Variants in SLC25A48 observed in about 807,000 individuals in gnomAD.
SLC25A48 encodes solute carrier family 25 member 48, also known as CTC-321K16.1.
Under a neutral mutation model 32.2 loss-of-function variants are expected in SLC25A48, and 29 were observed. The observed-to-expected ratio is 0.90, with a 90% CI of 0.67 to 1.23. The LOEUF is 1.23. SLC25A48 is among the 50% of genes most tolerant of loss of function. The probability of loss-of-function intolerance (pLI) is 0.00; values close to 1 mark genes in which losing one functional copy is unlikely to be tolerated. For missense variants in SLC25A48, 399 were observed against 422.7 expected, an observed-to-expected ratio of 0.94 and a Z score of 0.49; for synonymous variants, 164 against 172.3, an observed-to-expected ratio of 0.95 and a Z score of 0.38.
intron 1 of SLC25A48, among the ~76,000 whole-genome samples, chr5:135,627,228 G>T (rs926847078): frequency 6.6e-6 from 1 of 152,180 alleles, no homozygotes; most frequent in African/African-American, 2.4e-5. Context: ...TTCTGTCTAT[G>T]TTGGGCCAAT....
rs1417367996 is a variant in SLC25A48 at position 135,782,881 on chromosome 5, C to G, written c.-520-29642C>G. Among the ~76,000 whole-genome samples the G allele has an allele frequency of 2.5e-5, 3 of 117,832 alleles. 1 individual carries two copies. The highest frequency in any genetic ancestry group is 7.7e-5 in the African/African-American group (3 of 38,862). The allele number at this position is 117,832 out of a possible 152,430, so 77.3% of individuals were successfully genotyped here. On this transcript the variant is annotated intron_variant, in intron 3 of 10. Transcript: ENST00000646290. ...AATATCATACCAGCTGTACAACCCCCTGTGACATTGGTTCAAAATCCAGGG... is the reference window on the plus strand; with the variant it reads ...AATATCATACCAGCTGTACAACCCCGTGTGACATTGGTTCAAAATCCAGGG...
intron 3 of SLC25A48, among the ~76,000 whole-genome samples, chr5:135,692,113 C>T (rs894000816): frequency 6.6e-6 from 1 of 152,076 alleles, no homozygotes; most frequent in Non-Finnish European, 1.5e-5. Context: ...GTCAGGAGAT[C>T]GAGACCATTC....
chr5:135,852,274 C>A (rs968889869), intron 3 of SLC25A48, among the ~76,000 whole-genome samples: 13 of 152,166 alleles, frequency 8.5e-5, no homozygotes, highest in African/African-American at 3.1e-4. Flanking sequence ...GACTTCTTTC[C>A]AGCCCAAGAT....
intron 1 of SLC25A48, among the ~76,000 whole-genome samples, chr5:135,610,214 G>A (rs958322847): frequency 1.3e-5 from 2 of 152,162 alleles, no homozygotes; most frequent in African/African-American, 2.4e-5. Flanking sequence ...ACATATTTCC[G>A]TGGCCTTTCT....
intron 3 of SLC25A48, among the ~76,000 whole-genome samples, chr5:135,776,055 G>A (rs781024776): frequency 5.3e-5 from 8 of 151,664 alleles, no homozygotes; most frequent in African/African-American, 1.9e-4. Flanking sequence ...GAGGAAAGAA[G>A]GTTATTACTC....
intron 1 of SLC25A48, among the ~76,000 whole-genome samples, chr5:135,596,286 T>C (rs1244353201): frequency 6.6e-6 from 1 of 152,194 alleles, no homozygotes; most frequent in African/African-American, 2.4e-5. Flanking sequence ...TTATACTCAA[T>C]TGGTAACCAT....
At chr5:135,733,408 G>T (rs1225948320) in intron 3 of SLC25A48, among the ~76,000 whole-genome samples, 9 of 152,196 alleles carry the variant, frequency 5.9e-5, no homozygotes, top group South Asian at 2.1e-4. Context: ...AGGCCGGATT[G>T]AAGTCCGGGC....
chr5:135,619,067 G>T (rs762058519), intron 1 of SLC25A48, among the ~76,000 whole-genome samples: 22 of 151,928 alleles, frequency 1.4e-4, no homozygotes, highest in Non-Finnish European at 2.5e-4. Flanking sequence ...TTCATCTTTT[G>T]CTTTATTTAA....
chr5:135,867,260 C>T (rs1457575117), intron 4 of SLC25A48, among the ~76,000 whole-genome samples: 1 of 152,136 alleles, frequency 6.6e-6, no homozygotes, highest in Non-Finnish European at 1.5e-5. Context: ...TTGGCAGTTT[C>T]CTGTGAGCTG....
intron 1 of SLC25A48, among the ~76,000 whole-genome samples, chr5:135,594,937 A>C (rs1161884311): frequency 6.6e-6 from 1 of 152,184 alleles, no homozygotes; most frequent in African/African-American, 2.4e-5. Context: ...AGGTGCAGTG[A>C]GGGAAAGGGT....
chr5:135,608,871 G>C (rs1752001252), intron 1 of SLC25A48, among the ~76,000 whole-genome samples: 2 of 152,206 alleles, frequency 1.3e-5, no homozygotes, highest in South Asian at 4.1e-4. Context: ...TGGACTTGCT[G>C]CTTCTTGGGG....
intron 2 of SLC25A48, among the ~76,000 whole-genome samples, chr5:135,633,799 C>T (rs936584680): frequency 1.3e-5 from 2 of 152,122 alleles, no homozygotes; most frequent in Admixed American, 6.5e-5. Flanking sequence ...GCTGATTTTC[C>T]TTTCCTCTTC....
chr5:135,678,044 A>T (rs952629573), intron 3 of SLC25A48, among the ~76,000 whole-genome samples: 3 of 152,174 alleles, frequency 2.0e-5, no homozygotes, highest in African/African-American at 7.2e-5. Flanking sequence ...GGCCTCCTGT[A>T]TCTGGATGTC....
chr5:135,758,662 T>C (rs1755983607), intron 3 of SLC25A48, among the ~76,000 whole-genome samples: 1 of 150,732 alleles, frequency 6.6e-6, no homozygotes, highest in South Asian at 2.1e-4. Flanking sequence ...GTTAACACAC[T>C]ATGATATTAA....
chr5:135,770,167 G>T (rs182893709), intron 3 of SLC25A48, among the ~76,000 whole-genome samples: 36 of 151,716 alleles, frequency 2.4e-4, no homozygotes, highest in African/African-American at 7.5e-4. Context: ...ATTCAGAAAA[G>T]AAGTGGATGA....
At chr5:135,620,870 T>A (rs1752310343) in intron 1 of SLC25A48, among the ~76,000 whole-genome samples, 1 of 152,120 alleles carries the variant, frequency 6.6e-6, no homozygotes, top group South Asian at 2.1e-4. Flanking sequence ...GGATTGTAGA[T>A]GTGTAGTGGG....
chr5:135,720,827 C>T (rs1220016061), intron 3 of SLC25A48, among the ~76,000 whole-genome samples: 1 of 151,814 alleles, frequency 6.6e-6, no homozygotes, highest in East Asian at 1.9e-4. Context: ...TTGGAGTTCT[C>T]CTGGTGGTGG....
At chr5:135,638,116 C>T (rs947638569) in intron 3 of SLC25A48, among the ~76,000 whole-genome samples, 2 of 152,076 alleles carry the variant, frequency 1.3e-5, no homozygotes, top group Non-Finnish European at 2.9e-5. Context: ...ATATTCGCTG[C>T]AATTGTGTTT....
intron 1 of SLC25A48, among the ~76,000 whole-genome samples, chr5:135,627,694 T>C (rs1752468448): frequency 1.3e-5 from 2 of 152,328 alleles, no homozygotes; most frequent in South Asian, 4.1e-4. Flanking sequence ...AGTCAGCATT[T>C]GCTGCAGTGA....
Sources: allele counts gnomAD v4.1 joint callset (sites outside exome capture counted in the v4.1 genomes callset), GRCh38; gene constraint gnomAD v4.1.1; transcripts MANE v1.5; gene names NCBI Gene and HGNC (gene_info 2026-07-23, HGNC 2026-07-21).